The following DNAJC3 variants were observed in gnomAD, a reference collection of about 807,000 sequenced individuals.
DNAJC3 encodes the protein DnaJ heat shock protein family (Hsp40) member C3.
Under a neutral mutation model 68.6 loss-of-function variants are expected in DNAJC3, and 38 were observed. The ratio of observed to expected loss-of-function variants is 0.55; its 90% confidence interval spans 0.43 to 0.73. The LOEUF (loss-of-function observed/expected upper bound fraction) is 0.73. DNAJC3 is among the 30% of genes least tolerant of loss of function. The pLI is 0.00. For synonymous variants in DNAJC3, 203 were observed against 204.0 expected (o/e 1.00, Z 0.04); for missense variants, 526 against 591.9 (o/e 0.89, Z 1.16).
At position 95,794,444 on chromosome 13, in the gene DNAJC3, A is replaced by G. The variant is rs919480119; in HGVS notation, c.*3414A>G. The G allele has an allele frequency of 6.6e-6, 1 of 152,260 alleles. No homozygotes were observed. The highest frequency in any genetic ancestry group is 2.4e-5 in the African/African-American group (1 of 41,476). The allele number at this position is 152,260 out of a possible 1,614,324, so 9.4% of individuals were successfully genotyped here. On this transcript the variant is annotated 3_prime_UTR_variant, in exon 12 of 12. Transcript: ENST00000602402. ...TGGTATCACCTAGAGAAGTTCACGC[A>G]ACTTTGTTGAATGTAGTTGACTTTT...
At chr13:95,758,441 GC>G (rs1882729172) in intron 5 of DNAJC3, among the ~76,000 whole-genome samples, 1 of 150,852 alleles carries the variant, frequency 6.6e-6, no homozygotes, top group South Asian at 2.1e-4. Flanking sequence ...TTTGAGACTA[GC>G]CTGGCCAACA....
At chr13:95,744,706 TA>T (rs1251244635) in intron 4 of DNAJC3, 2 of 152,182 alleles carry the variant, frequency 1.3e-5, no homozygotes, top group Non-Finnish European at 2.9e-5. Context: ...TTTAACATAT[TA>T]AAAAATTGAT....
At chr13:95,748,526 A>G (rs1882378229) in intron 4 of DNAJC3, among the ~76,000 whole-genome samples, 1 of 152,198 alleles carries the variant, frequency 6.6e-6, no homozygotes, top group South Asian at 2.1e-4. Context: ...AGAAATAACC[A>G]AAGTTTCGGC....
At chr13:95,682,771 C>T (rs1049415103) in intron 1 of DNAJC3, among the ~76,000 whole-genome samples, 21 of 152,172 alleles carry the variant, frequency 1.4e-4, no homozygotes, top group Non-Finnish European at 2.1e-4. Flanking sequence ...GCCAATAATT[C>T]GCAAATAATT....
At chr13:95,690,960 G>C (rs1372424162) in intron 1 of DNAJC3, among the ~76,000 whole-genome samples, 11 of 137,074 alleles carry the variant, frequency 8.0e-5, no homozygotes, top group Non-Finnish European at 1.7e-4. Flanking sequence ...GGCTGGCCGG[G>C]CGGGGGGCTG....
chr13:95,742,868 T>C (rs148759246), intron 4 of DNAJC3: 1 of 515,718 alleles, frequency 1.9e-6, no homozygotes, highest in African/African-American at 1.9e-5. Context: ...CGCCGTAGGA[T>C]CTAAAACTTT....
intron 9 of DNAJC3, among the ~76,000 whole-genome samples, chr13:95,767,365 T>C (rs959184821): frequency 6.6e-6 from 1 of 152,230 alleles, no homozygotes; most frequent in Non-Finnish European, 1.5e-5. Context: ...TCTTTTTCTT[T>C]TAAGGCTGAA....
chr13:95,697,340 AG>A (rs1184287751), intron 1 of DNAJC3, among the ~76,000 whole-genome samples: 1 of 152,026 alleles, frequency 6.6e-6, no homozygotes, highest in Non-Finnish European at 1.5e-5. Flanking sequence ...TTGTTTTTGG[AG>A]TCTAAAAAGA....
At chr13:95,688,350 C>T (rs1388514783) in intron 1 of DNAJC3, among the ~76,000 whole-genome samples, 1 of 151,370 alleles carries the variant, frequency 6.6e-6, no homozygotes, top group African/African-American at 2.4e-5. Flanking sequence ...CTTGTCTTTT[C>T]TAGTTTTCAA....
intron 4 of DNAJC3, among the ~76,000 whole-genome samples, chr13:95,731,727 A>T (rs939816725): frequency 5.3e-5 from 8 of 151,866 alleles, no homozygotes; most frequent in Non-Finnish European, 1.0e-4. Flanking sequence ...GCTGGAGTGC[A>T]GTGGTGCGGA....
chr13:95,683,664 C>T (rs183466270), intron 1 of DNAJC3, among the ~76,000 whole-genome samples: 36 of 152,004 alleles, frequency 2.4e-4, no homozygotes, highest in Middle Eastern at 6.8e-3. Context: ...CTGTGGCTCA[C>T]GCCTGTAATC....
intron 9 of DNAJC3, among the ~76,000 whole-genome samples, chr13:95,778,825 A>G (rs1300674405): frequency 6.6e-6 from 1 of 152,150 alleles, no homozygotes; most frequent in Admixed American, 6.5e-5. Context: ...GCCAATTTAT[A>G]TTCCTGTGTC....
intron 4 of DNAJC3, among the ~76,000 whole-genome samples, chr13:95,756,185 T>A (rs1195603658): frequency 3.3e-5 from 5 of 152,240 alleles, no homozygotes; most frequent in Non-Finnish European, 7.3e-5. Flanking sequence ...ACGTTATCAA[T>A]AAACTTTTAC....
At chr13:95,703,958 A>G (rs143984767) in intron 1 of DNAJC3, among the ~76,000 whole-genome samples, 1 of 152,144 alleles carries the variant, frequency 6.6e-6, no homozygotes, top group Non-Finnish European at 1.5e-5. Context: ...AAGTAGTATG[A>G]CATGCCCTAG....
intron 1 of DNAJC3, among the ~76,000 whole-genome samples, chr13:95,688,697 G>GT (rs780469212): frequency 3.4e-4 from 51 of 152,130 alleles, no homozygotes; most frequent in Non-Finnish European, 5.9e-4. Context: ...CAGAGATGGG[G>GT]TTTTGCCATG....
chr13:95,725,088 A>T, intron 3 of DNAJC3, 90 bp from the exon 4 acceptor site: 1 of 792,950 alleles, frequency 1.3e-6, no homozygotes, highest in East Asian at 3.2e-5. Flanking sequence ...ATTTATTAAT[A>T]ATTTGTTTAT....
At chr13:95,693,791 CT>C (rs1319503066) in intron 1 of DNAJC3, 1 of 151,078 alleles carries the variant, frequency 6.6e-6, no homozygotes, top group Admixed American at 6.6e-5. Context: ...TGTACAACCC[CT>C]TGCTCAAGCC....
At chr13:95,746,661 T>C (rs1161693180) in intron 4 of DNAJC3, among the ~76,000 whole-genome samples, 1 of 152,230 alleles carries the variant, frequency 6.6e-6, no homozygotes, top group Non-Finnish European at 1.5e-5. Context: ...GTTTTATATG[T>C]TCTTGGTTAA....
chr13:95,701,770 G>A (rs1880592433), intron 1 of DNAJC3, among the ~76,000 whole-genome samples: 1 of 152,194 alleles, frequency 6.6e-6, no homozygotes, highest in South Asian at 2.1e-4. Context: ...TAGTGTGACT[G>A]TGAAACAAGT....
Sources: gnomAD v4.1 joint callset for allele counts (sites outside exome capture counted in the v4.1 genomes callset) on GRCh38, gnomAD v4.1.1 for gene constraint, MANE v1.5 for transcripts, NCBI Gene and HGNC (gene_info 2026-07-23, HGNC 2026-07-21) for gene names.